LYST: variants seen among roughly 807,000 people sequenced by gnomAD.
The protein encoded by LYST is lysosomal trafficking regulator, also known as lysosomal-trafficking regulator.
A neutral mutation model predicts 413.6 loss-of-function variants in LYST; 192 were observed. The observed-to-expected ratio is 0.46, with a 90% confidence interval of 0.41 to 0.52. The LOEUF is 0.52. Among genes scored for constraint, LYST ranks in the 20% least tolerant of loss-of-function variants. The pLI, the probability that LYST is intolerant of heterozygous loss-of-function variation, is 0.00. For synonymous variants in LYST, 1,525 were observed against 1,567.3 expected (o/e 0.97, Z 0.64); for missense variants, 3,815 against 4,499.9 (o/e 0.85, Z 4.35).
chr1:235,666,133 C>A (rs1021976807), intron 50 of LYST, among the ~76,000 whole-genome samples: 2 of 151,606 alleles, frequency 1.3e-5, no homozygotes, highest in Non-Finnish European at 2.9e-5. Context: ...ATCAAAATGC[C>A]CAGTGTGTTG....
chr1:235,684,062 C>T (rs894487370), intron 48 of LYST, among the ~76,000 whole-genome samples: 1 of 152,122 alleles, frequency 6.6e-6, no homozygotes. Flanking sequence ...TGCTTTAAGG[C>T]AAATATATAA....
chr1:235,838,613 A>G (rs1403994016), intron 1 of LYST, among the ~76,000 whole-genome samples: 1 of 152,212 alleles, frequency 6.6e-6, no homozygotes, highest in Non-Finnish European at 1.5e-5. Flanking sequence ...TAAATTTTAG[A>G]ACATTATTCC....
chr1:235,832,650 CATTAT>C (rs760274731), intron 2 of LYST, among the ~76,000 whole-genome samples: 4 of 151,988 alleles, frequency 2.6e-5, no homozygotes, highest in Non-Finnish European at 5.9e-5. Context: ...ACATATATAG[CATTAT>C]ATTATAGTTT....
intron 13 of LYST, among the ~76,000 whole-genome samples, chr1:235,788,369 G>A (rs1283942956): frequency 1.3e-5 from 2 of 151,718 alleles, no homozygotes; most frequent in Non-Finnish European, 2.9e-5. Context: ...TTTATTTTTT[G>A]TAGAGATTGG....
At chr1:235,795,671 T>C (rs766989559) in intron 10 of LYST, among the ~76,000 whole-genome samples, 1 of 152,164 alleles carries the variant, frequency 6.6e-6, no homozygotes. Context: ...TTCCACATAC[T>C]ACCCACTCAG....
chr1:235,687,542 T>G (rs1342358712), intron 47 of LYST, among the ~76,000 whole-genome samples: 1 of 152,230 alleles, frequency 6.6e-6, no homozygotes, highest in Non-Finnish European at 1.5e-5. Context: ...AATGTGAATG[T>G]AAAAGATGGG....
chr1:235,727,943 C>T (rs1244707011), intron 38 of LYST, 133 bp downstream of exon 38: 8 of 695,648 alleles, frequency 1.2e-5, no homozygotes, highest in Non-Finnish European at 1.8e-5. Context: ...ATGTTTGGAA[C>T]TCAGACCAAT....
rs1673134093 is a variant in LYST at position 235,808,721 on chromosome 1, A to G, written c.2097T>C (p.Phe699=). 2.5e-6 allele frequency: 4 copies of G among 1,613,934 alleles called. No individual in the cohort carries two copies. Among genetic ancestry groups the G allele is most frequent in the Middle Eastern group, 1.6e-4 (1 of 6,084 alleles). The change falls in exon 5 of 53, where the codon TTT becomes TTC. Residue 699 remains phenylalanine, a synonymous_variant. Coordinates refer to ENST00000389793, the MANE Select transcript of LYST (RefSeq NM_000081.4). ...KWDALKAYQN[F]VFEEDRLHSI... ...TATGTAATCTGTCTTCTTCAAAAAC[A>G]AAGTTCTGATAAGCCTTTAAAGCAT...
At chr1:235,823,731 C>A (rs192902671) in intron 3 of LYST, among the ~76,000 whole-genome samples, 1 of 152,198 alleles carries the variant, frequency 6.6e-6, no homozygotes, top group Non-Finnish European at 1.5e-5. Context: ...ATGTGCAATT[C>A]TTCTGGTCTG....
At chr1:235,730,643 G>C (rs1664305312) in intron 36 of LYST, among the ~76,000 whole-genome samples, 1 of 149,280 alleles carries the variant, frequency 6.7e-6, no homozygotes. Flanking sequence ...GCCAGAACAT[G>C]ATGACTGAAA....
chr1:235,693,880 C>G (rs1377076683), intron 46 of LYST, among the ~76,000 whole-genome samples: 1 of 152,110 alleles, frequency 6.6e-6, no homozygotes, highest in Non-Finnish European at 1.5e-5. Flanking sequence ...CTGTTAGTAG[C>G]AGGAAGATAA....
chr1:235,721,023 A>AC, intron 39 of LYST, 118 bp from the exon 40 acceptor site: 2 of 1,046,286 alleles, frequency 1.9e-6, no homozygotes, highest in Non-Finnish European at 1.4e-6. Context: ...CCAAAAAAAG[A>AC]TTTTTTTCTC....
Position 235,854,249 on chromosome 1 carries a change from T to A in LYST, c.-98+12594A>T, listed in dbSNP as rs931570877. Among the ~76,000 whole-genome samples, 8 of 152,224 alleles carry A rather than the reference T, an allele frequency of 5.3e-5. No homozygotes were observed. Among genetic ancestry groups the A allele is most frequent in the African/African-American group, 1.9e-4 (8 of 41,458 alleles). On this transcript the variant is annotated intron_variant, in intron 1 of 52. Transcript: ENST00000389793. The surrounding 1 kb of genome is among the most constrained non-coding windows in gnomAD (Gnocchi z 4.1). ...AACAATCTCCTAAGTAACATTATTA[T>A]CCCTAGTTGACACATATTGGAAACT...
intron 18 of LYST, among the ~76,000 whole-genome samples, chr1:235,774,688 T>C (rs1669052779): frequency 6.6e-6 from 1 of 152,210 alleles, no homozygotes; most frequent in Non-Finnish European, 1.5e-5. Flanking sequence ...AATGAGTTTC[T>C]TTCTTTCTTA....
At chr1:235,820,769 T>C (rs1406509166) in intron 3 of LYST, among the ~76,000 whole-genome samples, 1 of 152,258 alleles carries the variant, frequency 6.6e-6, no homozygotes, top group African/African-American at 2.4e-5. Flanking sequence ...ATGGACTATT[T>C]AAGTCCTTTA....
chr1:235,702,375 G>C (rs1401294266), intron 45 of LYST, among the ~76,000 whole-genome samples: 3 of 152,112 alleles, frequency 2.0e-5, no homozygotes, highest in Non-Finnish European at 4.4e-5. Flanking sequence ...CAAGACCATG[G>C]TATGCATGTG....
At chr1:235,839,315 G>A (rs1394549234) in intron 1 of LYST, among the ~76,000 whole-genome samples, 1 of 150,886 alleles carries the variant, frequency 6.6e-6, no homozygotes, top group Non-Finnish European at 1.5e-5. Context: ...GGAGTGCAGT[G>A]GCATGATCTC....
At chr1:235,817,087 A>T (rs1177841796) in intron 3 of LYST, among the ~76,000 whole-genome samples, 1 of 152,224 alleles carries the variant, frequency 6.6e-6, no homozygotes, top group Non-Finnish European at 1.5e-5. Context: ...TTTCAAAAGA[A>T]GACATACATG....
At chr1:235,836,321 A>C (rs10803080) in intron 1 of LYST, among the ~76,000 whole-genome samples, 67,235 of 151,718 alleles carry the variant, frequency 0.44, 16,080 homozygotes, top group African/African-American at 0.61. Flanking sequence ...CATGTATTAT[A>C]GTGAGGTGGA....
Sources: gnomAD v4.1 joint callset for allele counts (sites outside exome capture counted in the v4.1 genomes callset) on GRCh38, gnomAD v4.1.1 for gene constraint, Gnocchi (gnomAD v3.1) non-coding constraint, MANE v1.5 for transcripts, NCBI Gene and HGNC (gene_info 2026-07-23, HGNC 2026-07-21) for gene names.